The following PTPRU variants were observed in gnomAD, a reference collection of about 807,000 sequenced individuals.
The protein encoded by PTPRU is receptor-type tyrosine-protein phosphatase U.
Under a neutral mutation model 166.3 loss-of-function variants are expected in PTPRU, and 69 were observed. The observed-to-expected ratio is 0.41, with a 90% CI of 0.34 to 0.51. PTPRU has a LOEUF of 0.51. Among genes scored for constraint, PTPRU ranks in the 20% least tolerant of loss-of-function variants. The pLI is 0.09. For synonymous variants in PTPRU, 793 were observed against 814.0 expected (o/e 0.97, Z 0.44); for missense variants, 1,657 against 2,013.7 (o/e 0.82, Z 3.39).
rs750813678 is a variant in PTPRU at position 29,275,579 on chromosome 1, A to G, written c.1276A>G (p.Thr426Ala). Reference protein sequence around the residue: ...TYTVSLCYHYTLGSSHNQTIR... With the variant: ...TYTVSLCYHYALGSSHNQTIR... Reference sequence around the variant, plus strand: ...TACTGTGTCGCTGTGCTATCACTACACCCTGGGCAGCAGCCACAACCAGAC... The same window carrying G: ...TACTGTGTCGCTGTGCTATCACTACGCCCTGGGCAGCAGCCACAACCAGAC... Residue 426 changes from threonine (T) to alanine (A), a missense_variant, in exon 8 of 30, where the codon ACC (threonine) becomes GCC (alanine). By Grantham distance (58) the Thr-to-Ala change is moderately conservative. Transcript: ENST00000373779. 1.2e-6 allele frequency: 2 copies of G among 1,612,308 alleles called. No homozygotes were observed. Among genetic ancestry groups the G allele is most frequent in the African/African-American group, 2.7e-5 (2 of 74,950 alleles).
rs1207633923 is a variant in PTPRU at position 29,291,774 on chromosome 1, C to T, written c.2319-95C>T. On this transcript the variant is annotated intron_variant, in intron 14 of 29. Transcript: ENST00000373779. The surrounding 1 kb of genome is among the most constrained non-coding windows in gnomAD (Gnocchi z 4.1). ...TCTAGGACAGCTGCTGGCTCCTGGC[C>T]TTGAGGTCCCCTTACTCCAGGGCCT... 3.7e-6 allele frequency: 5 copies of T among 1,357,694 alleles called. No homozygotes were observed. The highest frequency in any genetic ancestry group is 5.1e-6 in the Non-Finnish European group (5 of 985,456). The allele number at this position is 1,357,694 out of a possible 1,614,324, so 84.1% of individuals were successfully genotyped here. A position where few individuals can be genotyped will look rare whatever the true frequency, so the allele number is the denominator to read the frequency against.
At chr1:29,270,671 A>T (rs748493838) in intron 7 of PTPRU, among the ~76,000 whole-genome samples, 3 of 152,196 alleles carry the variant, frequency 2.0e-5, no homozygotes, top group Non-Finnish European at 4.4e-5. Flanking sequence ...GCCTGAAGCC[A>T]CAGAACTATG....
chr1:29,279,254 G>C lies in PTPRU; in HGVS notation c.1563+133G>C, dbSNP rs1277587216. 2 of 1,011,732 alleles carry C rather than the reference G, an allele frequency of 2.0e-6. No homozygotes were observed. The highest frequency in any genetic ancestry group is 2.9e-6 in the Non-Finnish European group (2 of 678,022). The allele number at this position is 1,011,732 out of a possible 1,614,324, so 62.7% of individuals were successfully genotyped here. A position where few individuals can be genotyped will look rare whatever the true frequency, so the allele number is the denominator to read the frequency against. On this transcript the variant is annotated intron_variant, in intron 9 of 29. Transcript: ENST00000373779. This position sits in a 1 kb window ranked among gnomAD's most constrained non-coding sequence, Gnocchi z 5.2. Reference sequence around the variant, plus strand: ...GTCATAGTTTCTTCAACTATGGCCAGGTCTGTGCCCTGTGTATTCTAGAGG... The same window carrying C: ...GTCATAGTTTCTTCAACTATGGCCACGTCTGTGCCCTGTGTATTCTAGAGG...
intron 28 of PTPRU, among the ~76,000 whole-genome samples, chr1:29,324,970 G>A (rs148487901): frequency 6.7e-6 from 1 of 148,988 alleles, no homozygotes; most frequent in Non-Finnish European, 1.5e-5. Context: ...TCTTCCTTCT[G>A]GGTTCCCTAG....
chr1:29,260,758 G>C lies in PTPRU; in HGVS notation c.999G>C (p.Glu333Asp). The C allele has an allele frequency of 6.2e-7, 1 of 1,612,906 alleles. No homozygotes were observed. Among genetic ancestry groups the C allele is most frequent in the African/African-American group, 1.3e-5 (1 of 74,964 alleles). The stretch of plus-strand genomic sequence containing the variant: ...GCATGGCGCGCGGGCCCTGGGCTGA[G>C]GTGCACGCCGTCAGCCTGCAGACCT... ...EYRMARGPWA[E>D]VHAVSLQTYK... is the part of the protein sequence containing the mutation. Residue 333 changes from glutamate (E) to aspartate (D), a missense_variant, in exon 7 of 30, where the codon GAG becomes GAC. By Grantham distance (45) the Glu-to-Asp change is conservative. Transcript: ENST00000373779. The surrounding 1 kb of genome is among the most constrained non-coding windows in gnomAD (Gnocchi z 8.3).
chr1:29,253,382 C>T (rs934489668), intron 1 of PTPRU, among the ~76,000 whole-genome samples: 1 of 152,074 alleles, frequency 6.6e-6, no homozygotes, highest in Non-Finnish European at 1.5e-5. Context: ...GCATTCCTTC[C>T]TCTAGGGTAT....
At position 29,325,253 on chromosome 1, in the gene PTPRU, G is replaced by T; in HGVS notation, c.4175G>T (p.Cys1392Phe). 6.2e-7 allele frequency: 1 copy of T among 1,614,214 alleles called. No individual in the cohort carries two copies. The highest frequency in any genetic ancestry group is 8.5e-7 in the Non-Finnish European group (1 of 1,180,038). Residue 1392 changes from cysteine (C) to phenylalanine (F), a missense_variant, in exon 29 of 30, where the codon TGC becomes TTC. Physicochemically the swap from Cys to Phe is radical, Grantham distance 205. Transcript: ENST00000373779. ...GCCACGGTCCTGGAGATGATCCGCTGCCACAACTTGGTGGACGTTTTCTTT... is the reference window on the plus strand; with the variant it reads ...GCCACGGTCCTGGAGATGATCCGCTTCCACAACTTGGTGGACGTTTTCTTT... ...ACATVLEMIRCHNLVDVFFAA... is the reference protein window; with the variant it reads ...ACATVLEMIRFHNLVDVFFAA...
In PTPRU at chr1:29,316,176, GGT is replaced by G. The variant is rs150059433; in HGVS notation, c.3513+40_3513+41del. 2,726 of 1,545,674 alleles carry G rather than the reference GGT, an allele frequency of 1.8e-3. 2 individuals are homozygous for G. The highest frequency in any genetic ancestry group is 5.6e-3 in the South Asian group (484 of 86,208). ...GGTGGGGGATGAGTGCGTGTGTATA[GGT>G]GTGTGTGTGTGTGTCTGTGTGTGTG... On this transcript the variant is annotated intron_variant, in intron 24 of 29. Transcript: ENST00000373779.
At chr1:29,286,783 G>A (rs527278684) in intron 14 of PTPRU, among the ~76,000 whole-genome samples, 35 of 152,164 alleles carry the variant, frequency 2.3e-4, no homozygotes, top group African/African-American at 7.5e-4. Flanking sequence ...TGTTGTCAGG[G>A]CCTCACTGGG....
intron 25 of PTPRU, among the ~76,000 whole-genome samples, chr1:29,319,501 A>G (rs1688052413): frequency 6.6e-6 from 1 of 152,132 alleles, no homozygotes; most frequent in Non-Finnish European, 1.5e-5. Flanking sequence ...TGAACTCGTC[A>G]GTGAGGGGCC....
At chr1:29,246,735 C>T (rs1429334455) in intron 1 of PTPRU, among the ~76,000 whole-genome samples, 1 of 152,156 alleles carries the variant, frequency 6.6e-6, no homozygotes, top group African/African-American at 2.4e-5. Flanking sequence ...CCTGCCTCCG[C>T]CTCCTGAGTA....
intron 1 of PTPRU, among the ~76,000 whole-genome samples, chr1:29,247,205 C>A (rs960819612): frequency 6.6e-6 from 1 of 152,238 alleles, no homozygotes; most frequent in Non-Finnish European, 1.5e-5. Flanking sequence ...CTCCATACAC[C>A]TATCACGTAG....
In PTPRU at chr1:29,326,668, C is replaced by T. The variant is rs1428880299; in HGVS notation, c.*1007C>T. 6.6e-6 allele frequency: 1 copy of T among 152,230 alleles called. No individual in the cohort carries two copies. The highest frequency in any genetic ancestry group is 2.4e-5 in the African/African-American group (1 of 41,444). 9.4% of individuals were successfully genotyped at this position (152,230 alleles called of 1,614,324 possible). A position where few individuals can be genotyped will look rare whatever the true frequency, so the allele number is the denominator to read the frequency against. ...TCTTTAAAATGGGGCAGGCCACACC[C>T]CCATTCCGTGCCTCAATTTCCCCAT... On this transcript the variant is annotated 3_prime_UTR_variant, in exon 30 of 30. Coordinates refer to ENST00000373779, the MANE Select transcript of PTPRU (RefSeq NM_133178.4).
intron 7 of PTPRU, among the ~76,000 whole-genome samples, chr1:29,266,010 GTT>G (rs34163524): frequency 1.3e-4 from 10 of 79,228 alleles, no homozygotes; most frequent in African/African-American, 3.6e-4. Flanking sequence ...TTTCTCCTGG[GTT>G]TTTTTTTTTT....
chr1:29,293,054 A>C (rs1686715690), intron 15 of PTPRU, among the ~76,000 whole-genome samples: 1 of 152,038 alleles, frequency 6.6e-6, no homozygotes, highest in Non-Finnish European at 1.5e-5. Context: ...ATCTTGGCTC[A>C]CTGTAACCTC....
At chr1:29,300,999 A>C (rs1450102936) in intron 15 of PTPRU, among the ~76,000 whole-genome samples, 1 of 152,136 alleles carries the variant, frequency 6.6e-6, no homozygotes, top group Non-Finnish European at 1.5e-5. Context: ...AGGCAAGAAA[A>C]GTAGGGGGAG....
intron 7 of PTPRU, among the ~76,000 whole-genome samples, chr1:29,262,487 C>T (rs1275471851): frequency 6.6e-6 from 1 of 152,156 alleles, no homozygotes; most frequent in African/African-American, 2.4e-5. Flanking sequence ...GAGAGAGAGA[C>T]AGACCACATT....
At chr1:29,286,089 G>A (rs1686332901) in intron 14 of PTPRU, among the ~76,000 whole-genome samples, 1 of 152,218 alleles carries the variant, frequency 6.6e-6, no homozygotes, top group Non-Finnish European at 1.5e-5. Flanking sequence ...ATGAGAGAGA[G>A]AGCTGGCTGG....
chr1:29,302,151 A>G (rs796894073), intron 15 of PTPRU, among the ~76,000 whole-genome samples: 115 of 142,314 alleles, frequency 8.1e-4, no homozygotes, highest in African/African-American at 2.3e-3. Context: ...GCTAATGTGT[A>G]TGTGTGTGTG....
Sources: gnomAD v4.1 joint callset for allele counts (sites outside exome capture counted in the v4.1 genomes callset) on GRCh38, gnomAD v4.1.1 for gene constraint, Gnocchi (gnomAD v3.1) non-coding constraint, MANE v1.5 for transcripts, NCBI Gene and HGNC (gene_info 2026-07-23, HGNC 2026-07-21) for gene names.